Variants in MAPKAP1 observed in about 807,000 individuals in gnomAD.
MAPKAP1 encodes the protein MAPK associated protein 1, also known as target of rapamycin complex 2 subunit MAPKAP1.
A neutral mutation model predicts 65.7 loss-of-function variants in MAPKAP1; 20 were observed. The ratio of observed to expected loss-of-function variants is 0.30; its 90% CI spans 0.21 to 0.44. The LOEUF is 0.44. Among genes scored for constraint, MAPKAP1 ranks in the 20% least tolerant of loss-of-function variants. The pLI is 1.00. For synonymous variants in MAPKAP1, 222 were observed against 244.3 expected (o/e 0.91, Z 0.85); for missense variants, 423 against 648.0 (o/e 0.65, Z 3.77).
chr9:125,459,431 GC>G (rs1468747919), intron 10 of MAPKAP1, among the ~76,000 whole-genome samples: 1 of 152,012 alleles, frequency 6.6e-6, no homozygotes, highest in East Asian at 1.9e-4. Context: ...GGCAGAGGCT[GC>G]AATCTCGGCA....
intron 6 of MAPKAP1, 125 bp downstream of exon 6, chr9:125,559,508 C>T (rs1830830481): frequency 9.9e-6 from 8 of 808,376 alleles, no homozygotes; most frequent in Admixed American, 2.7e-5. Context: ...TGGGAGTCAT[C>T]GTTATTACCA....
At chr9:125,542,660 A>G (rs1325725699) in intron 7 of MAPKAP1, among the ~76,000 whole-genome samples, 1 of 152,086 alleles carries the variant, frequency 6.6e-6, no homozygotes. Context: ...TCCCCATACC[A>G]CAAATATTAG....
intron 7 of MAPKAP1, among the ~76,000 whole-genome samples, chr9:125,534,459 TA>T (rs554110019): frequency 3.7e-4 from 57 of 152,348 alleles, no homozygotes; most frequent in African/African-American, 1.2e-3. Context: ...CATTTAGCTC[TA>T]ATGAAAGAAA....
chr9:125,478,477 G>A (rs190963262), intron 9 of MAPKAP1, among the ~76,000 whole-genome samples: 38 of 152,156 alleles, frequency 2.5e-4, no homozygotes, highest in Admixed American at 9.8e-4. Flanking sequence ...ACAGGTATGC[G>A]CCACCACACC....
chr9:125,648,601 G>A (rs1236439146), intron 4 of MAPKAP1, among the ~76,000 whole-genome samples: 1 of 152,166 alleles, frequency 6.6e-6, no homozygotes, highest in African/African-American at 2.4e-5. Context: ...ACATGGCCTA[G>A]TAGTCCTGGA....
chr9:125,455,226 A>C lies in MAPKAP1; in HGVS notation c.1346-10628T>G, dbSNP rs1288287158. Among the ~76,000 whole-genome samples, 8 of 152,314 alleles carry C rather than the reference A, an allele frequency of 5.3e-5. No homozygotes were observed. In the East Asian group the frequency reaches 1.5e-3, roughly 29 times the overall value. ...ATAAAATGGGAATATTATCTGTCTCACAAGTTGTTAGGATTACATAACCCT... is the reference window on the plus strand; with the variant it reads ...ATAAAATGGGAATATTATCTGTCTCCCAAGTTGTTAGGATTACATAACCCT... On this transcript the variant is annotated intron_variant, in intron 10 of 11. Transcript: ENST00000265960.
chr9:125,471,104 C>G (rs923372249), intron 9 of MAPKAP1: 1 of 152,240 alleles, frequency 6.6e-6, no homozygotes, highest in Non-Finnish European at 1.5e-5. Context: ...TTGTGTGAGT[C>G]TCAGCTTCTT....
At chr9:125,524,690 C>A (rs1829714019) in intron 7 of MAPKAP1, among the ~76,000 whole-genome samples, 1 of 152,230 alleles carries the variant, frequency 6.6e-6, no homozygotes, top group Non-Finnish European at 1.5e-5. Flanking sequence ...AGCTGGGCTG[C>A]CCTGCTGGCT....
chr9:125,694,328 CAA>C (rs549167983), intron 1 of MAPKAP1, among the ~76,000 whole-genome samples: 1 of 137,500 alleles, frequency 7.3e-6, no homozygotes. Flanking sequence ...ACTCCATTTC[CAA>C]AAAAAAAAAA....
At chr9:125,519,839 G>A (rs949250598) in intron 7 of MAPKAP1, among the ~76,000 whole-genome samples, 2 of 152,010 alleles carry the variant, frequency 1.3e-5, no homozygotes, top group African/African-American at 2.4e-5. Flanking sequence ...GTCCCATAAT[G>A]TCTCTGGTCT....
intron 7 of MAPKAP1, among the ~76,000 whole-genome samples, chr9:125,520,882 G>A (rs1273082201): frequency 6.6e-6 from 1 of 152,160 alleles, no homozygotes; most frequent in East Asian, 1.9e-4. Context: ...GGATCTAGCT[G>A]ACTCACCTGG....
intron 1 of MAPKAP1, among the ~76,000 whole-genome samples, chr9:125,704,712 T>C (rs1392002570): frequency 6.6e-6 from 1 of 152,206 alleles, no homozygotes; most frequent in African/African-American, 2.4e-5. Context: ...TTTACGTCCT[T>C]GTACCCTGCT....
intron 7 of MAPKAP1, among the ~76,000 whole-genome samples, chr9:125,523,442 G>A (rs1408894588): frequency 6.6e-6 from 1 of 152,172 alleles, no homozygotes; most frequent in Non-Finnish European, 1.5e-5. Context: ...GTGATCCAAT[G>A]AGCCCCAAGA....
At chr9:125,491,135 G>A (rs1333260085) in intron 8 of MAPKAP1, among the ~76,000 whole-genome samples, 24 of 108,924 alleles carry the variant, frequency 2.2e-4, no homozygotes, top group African/African-American at 7.5e-4. Context: ...GCAAGACTCC[G>A]TCTCAAAAAA....
chr9:125,598,942 A>G (rs891231100), intron 4 of MAPKAP1, among the ~76,000 whole-genome samples: 19 of 151,328 alleles, frequency 1.3e-4, no homozygotes, highest in African/African-American at 4.6e-4. Flanking sequence ...CGAGAGGCTG[A>G]GGCAGGAGAA....
rs1023674487 is a variant in MAPKAP1 at position 125,611,077 on chromosome 9, C to T, written c.499-25350G>A. Among the ~76,000 whole-genome samples, 62 of 152,192 alleles carry T rather than the reference C, an allele frequency of 4.1e-4. 1 individual carries two copies. The highest frequency in any genetic ancestry group is 3.4e-3 in the Middle Eastern group (1 of 294). On this transcript the variant is annotated intron_variant, in intron 4 of 11. Transcript: ENST00000265960. ...ATATTATGGTTGAGTAGGAGAATGT[C>T]GCTAGGAGTGAATGTCAACTTTTAA...
chr9:125,513,492 C>G (rs1829369097), intron 7 of MAPKAP1, among the ~76,000 whole-genome samples: 1 of 152,194 alleles, frequency 6.6e-6, no homozygotes, highest in South Asian at 2.1e-4. Context: ...TAGACTTGAG[C>G]AGAACATCCC....
At chr9:125,452,854 T>C (rs756031706) in intron 10 of MAPKAP1, among the ~76,000 whole-genome samples, 10 of 151,914 alleles carry the variant, frequency 6.6e-5, no homozygotes, top group Non-Finnish European at 1.3e-4. Flanking sequence ...CACTGGCCAC[T>C]GTACTCCAGC....
chr9:125,693,589 G>GTA (rs1215566750), intron 1 of MAPKAP1, among the ~76,000 whole-genome samples: 6 of 109,410 alleles, frequency 5.5e-5, no homozygotes, highest in Admixed American at 3.6e-4. Flanking sequence ...ATATATACAC[G>GTA]TATACACACA....
Sources: gnomAD v4.1 joint callset for allele counts (sites outside exome capture counted in the v4.1 genomes callset) on GRCh38, gnomAD v4.1.1 for gene constraint, MANE v1.5 for transcripts, NCBI Gene and HGNC (gene_info 2026-07-23, HGNC 2026-07-21) for gene names.